The following ACBD6 variants were observed in gnomAD, a reference collection of about 807,000 sequenced individuals.
The protein encoded by ACBD6 is acyl-CoA-binding domain-containing protein 6.
A neutral mutation model predicts 37.2 loss-of-function variants in ACBD6; 28 were observed. That is an observed-to-expected ratio of 0.75 (90% CI 0.56 to 1.03). ACBD6 has a LOEUF of 1.03. Ranked by LOEUF, ACBD6 falls within the 50% of genes least tolerant of loss-of-function variation. The pLI, the probability that ACBD6 is intolerant of heterozygous loss-of-function variation, is 0.00. For missense variants in ACBD6, 340 were observed against 337.4 expected (o/e 1.01, Z -0.06); for synonymous variants, 113 against 126.8 (o/e 0.89, Z 0.73).
rs1219807573 is a variant in ACBD6, at chr1:180,492,413, A to C, written c.288-48T>G. On this transcript the variant is annotated intron_variant, in intron 2 of 7. Coordinates refer to ENST00000367595, the MANE Select transcript of ACBD6 (RefSeq NM_032360.4). Reference sequence around the variant, plus strand: ...TGGCCTGTCATTATGCAAATAACACAAACAGCATTTTTCTTATTATTAAAA... The same window carrying C: ...TGGCCTGTCATTATGCAAATAACACCAACAGCATTTTTCTTATTATTAAAA... 2.8e-6 allele frequency: 4 copies of C among 1,406,330 alleles called. No individual in the cohort carries two copies. The African/African-American group carries it at 4.2e-5, about 15-fold the overall frequency. The allele number at this position is 1,406,330 out of a possible 1,614,324, so 87.1% of individuals were successfully genotyped here.
chr1:180,465,340 AAGT>A (rs1650306645), intron 3 of ACBD6, among the ~76,000 whole-genome samples: 1 of 152,198 alleles, frequency 6.6e-6, no homozygotes, highest in African/African-American at 2.4e-5. Flanking sequence ...CCCCATTAAA[AAGT>A]AGGCAAAGGA....
chr1:180,397,345 TG>T (rs2101950651), intron 6 of ACBD6, among the ~76,000 whole-genome samples, 170 bp downstream of exon 6: 1 of 152,292 alleles, frequency 6.6e-6, no homozygotes, highest in East Asian at 1.9e-4. Context: ...GGTTTTCTTT[TG>T]CGGTGACAAC....
chr1:180,439,801 G>A (rs1027819955), intron 3 of ACBD6, among the ~76,000 whole-genome samples: 15 of 152,168 alleles, frequency 9.9e-5, no homozygotes, highest in Non-Finnish European at 7.4e-5. Flanking sequence ...ATCTAGAACA[G>A]TCTTTGATTT....
At chr1:180,456,106 G>A (rs1308365817) in intron 3 of ACBD6, among the ~76,000 whole-genome samples, 1 of 151,824 alleles carries the variant, frequency 6.6e-6, no homozygotes, top group Non-Finnish European at 1.5e-5. Context: ...CAGCTACTCG[G>A]GAGGCTGAGG....
intron 7 of ACBD6, among the ~76,000 whole-genome samples, chr1:180,295,052 G>T (rs1416884644): frequency 1.3e-5 from 2 of 151,884 alleles, no homozygotes; most frequent in African/African-American, 4.8e-5. Flanking sequence ...ATGTTTTATT[G>T]ATCTTTACAA....
intron 6 of ACBD6, among the ~76,000 whole-genome samples, chr1:180,378,209 C>A (rs1448353570): frequency 2.6e-5 from 4 of 151,940 alleles, no homozygotes; most frequent in Non-Finnish European, 5.9e-5. Flanking sequence ...GATATTCTTG[C>A]CAAAAATGCA....
rs867629463 is a variant in ACBD6 at position 180,495,788 on chromosome 1, T to C, written c.223-263A>G. Among the ~76,000 whole-genome samples the C allele has an allele frequency of 7.2e-5, 11 of 152,208 alleles. No individual in the cohort carries two copies. In the South Asian group the frequency reaches 2.3e-3, roughly 31 times the overall value. On this transcript the variant is annotated intron_variant, in intron 1 of 7. Coordinates refer to ENST00000367595, the MANE Select transcript of ACBD6 (RefSeq NM_032360.4). ...ATACAGAAAAACTGTGATAAACGGT[T>C]GCACTTCGAAGTTAGTAGACTATAT...
chr1:180,465,802 C>T (rs779014760), intron 3 of ACBD6, among the ~76,000 whole-genome samples: 4 of 152,102 alleles, frequency 2.6e-5, no homozygotes, highest in Non-Finnish European at 5.9e-5. Flanking sequence ...AAATGCAGTA[C>T]ACATACATCA....
intron 8 of ACBD6, among the ~76,000 whole-genome samples, chr1:180,282,978 T>TTG (rs758165097): frequency 1.5e-5 from 2 of 132,530 alleles, no homozygotes; most frequent in Non-Finnish European, 3.0e-5. Flanking sequence ...TTCTGTTTTT[T>TTG]TTTTTTTTTT....
At chr1:180,478,894 A>G (rs12409923) in intron 3 of ACBD6, among the ~76,000 whole-genome samples, 1 of 152,120 alleles carries the variant, frequency 6.6e-6, no homozygotes, top group South Asian at 2.1e-4. Flanking sequence ...TTGAGAGGCC[A>G]AGGCAGGAGG....
chr1:180,479,367 T>G (rs933962683), intron 3 of ACBD6, among the ~76,000 whole-genome samples: 8 of 152,190 alleles, frequency 5.3e-5, no homozygotes, highest in Non-Finnish European at 8.8e-5. Flanking sequence ...TTGAGGTCAT[T>G]ATCTTAAGTG....
chr1:180,501,447 C>G (rs1272753392), intron 1 of ACBD6, among the ~76,000 whole-genome samples: 1 of 152,192 alleles, frequency 6.6e-6, no homozygotes, highest in Non-Finnish European at 1.5e-5. Context: ...GCCTCCTCAG[C>G]CTCCCGAGTA....
intron 6 of ACBD6, among the ~76,000 whole-genome samples, chr1:180,390,177 G>A (rs1654015463): frequency 6.6e-6 from 1 of 152,050 alleles, no homozygotes. Flanking sequence ...ATTAATTTTT[G>A]TAGAAGGTGT....
intron 9 of ACBD6, among the ~76,000 whole-genome samples, chr1:180,280,090 G>A (rs1649261059): frequency 6.6e-6 from 1 of 152,206 alleles, no homozygotes; most frequent in South Asian, 2.1e-4. Flanking sequence ...CATGTGACCA[G>A]TGGCTACTGT....
At chr1:180,285,767 G>C (rs1649477349), downstream of ACBD6, among the ~76,000 whole-genome samples, 1 of 151,908 alleles carries the variant, frequency 6.6e-6, no homozygotes, top group African/African-American at 2.4e-5. Flanking sequence ...TTAATAGAAA[G>C]GTTCACTGGA....
chr1:180,418,582 GA>G (rs930813212), intron 4 of ACBD6, among the ~76,000 whole-genome samples: 14 of 139,456 alleles, frequency 1.0e-4, no homozygotes, highest in African/African-American at 3.2e-4. Flanking sequence ...TCTTAAAAAA[GA>G]AAAAAAAAAG....
intron 6 of ACBD6, among the ~76,000 whole-genome samples, chr1:180,383,111 T>C (rs935776557): frequency 1.3e-5 from 2 of 152,100 alleles, no homozygotes; most frequent in African/African-American, 4.8e-5. Context: ...TCGGAAAACC[T>C]TTCCCCCAAG....
At chr1:180,393,119 A>G (rs1450949594) in intron 6 of ACBD6, among the ~76,000 whole-genome samples, 1 of 152,224 alleles carries the variant, frequency 6.6e-6, no homozygotes, top group Non-Finnish European at 1.5e-5. Context: ...CCCGTAAGCC[A>G]TATCCTAATC....
At chr1:180,414,263 A>G (rs1327798018) in intron 4 of ACBD6, among the ~76,000 whole-genome samples, 4 of 152,250 alleles carry the variant, frequency 2.6e-5, no homozygotes, top group Non-Finnish European at 5.9e-5. Flanking sequence ...GAATATCAAC[A>G]ATCAAACTGC....
Sources: allele counts gnomAD v4.1 joint callset (sites outside exome capture counted in the v4.1 genomes callset), GRCh38; gene constraint gnomAD v4.1.1; transcripts MANE v1.5; gene names NCBI Gene and HGNC (gene_info 2026-07-23, HGNC 2026-07-21).